HELZ: variants seen among roughly 807,000 people sequenced by gnomAD.
The protein encoded by HELZ is helicase with zinc finger.
A neutral mutation model predicts 218.2 loss-of-function variants in HELZ; 23 were observed. That is an observed-to-expected ratio of 0.11 (90% CI 0.08 to 0.15). The LOEUF (loss-of-function observed/expected upper bound fraction) is 0.15, where lower values mean the gene tolerates loss of function less well. HELZ is among the 10% of genes least tolerant of loss of function. The pLI is 1.00. For synonymous variants in HELZ, 814 were observed against 829.4 expected, an observed-to-expected ratio of 0.98 and a Z score of 0.32; for missense variants, 1,813 against 2,353.7, an observed-to-expected ratio of 0.77 and a Z score of 4.75.
chr17:67,192,472 T>C (rs1397784928), intron 9 of HELZ, among the ~76,000 whole-genome samples: 1 of 152,210 alleles, frequency 6.6e-6, no homozygotes, highest in East Asian at 1.9e-4. Flanking sequence ...TGAAGACACA[T>C]TTAAAATCAT....
chr17:67,219,348 A>G (rs1291606520), intron 3 of HELZ, among the ~76,000 whole-genome samples: 1 of 152,202 alleles, frequency 6.6e-6, no homozygotes. Flanking sequence ...ACATTTCTCG[A>G]GGGCCAGGCC....
At chr17:67,119,979 A>C (rs1567816224) in intron 27 of HELZ, 1 of 276,476 alleles carries the variant, frequency 3.6e-6, no homozygotes, top group South Asian at 2.7e-5. Flanking sequence ...TATATGTTAG[A>C]TTCTCTCCCT....
At chr17:67,223,606 G>C (rs967246846) in intron 3 of HELZ, among the ~76,000 whole-genome samples, 6 of 151,992 alleles carry the variant, frequency 3.9e-5, no homozygotes, top group Admixed American at 2.0e-4. Flanking sequence ...CAAAAAATTA[G>C]CCGGATGTGG....
intron 17 of HELZ, among the ~76,000 whole-genome samples, chr17:67,156,302 G>A (rs2038841382): frequency 6.6e-6 from 1 of 151,854 alleles, no homozygotes; most frequent in African/African-American, 2.4e-5. Flanking sequence ...GTCACTTACA[G>A]GTGGCTTTTT....
At chr17:67,237,503 G>A (rs2041215251) in intron 3 of HELZ, among the ~76,000 whole-genome samples, 1 of 152,014 alleles carries the variant, frequency 6.6e-6, no homozygotes, top group Admixed American at 6.5e-5. Context: ...TGTGGACTCA[G>A]ACAATCAAAG....
intron 24 of HELZ, among the ~76,000 whole-genome samples, chr17:67,125,263 A>C (rs2037747008): frequency 7.8e-6 from 1 of 128,202 alleles, no homozygotes; most frequent in African/African-American, 3.1e-5. Flanking sequence ...AAGAGAAAGC[A>C]TGTTCACAGT....
At chr17:67,203,546 AAAAGAGTAACTT>A in intron 5 of HELZ, 103 bp from the exon 6 acceptor site, 30 of 1,341,268 alleles carry the variant, frequency 2.2e-5, no homozygotes, top group Non-Finnish European at 3.1e-5. Context: ...TTTATATGCT[AAAAGAGTAACTT>A]CAAATACTCT....
At chr17:67,096,088 T>C (rs1228373635) in intron 31 of HELZ, among the ~76,000 whole-genome samples, 1 of 152,198 alleles carries the variant, frequency 6.6e-6, no homozygotes, top group Non-Finnish European at 1.5e-5. Context: ...ACCAACTGCA[T>C]TGTCAATGAG....
chr17:67,235,914 C>T (rs543983185), intron 3 of HELZ, among the ~76,000 whole-genome samples: 1 of 152,144 alleles, frequency 6.6e-6, no homozygotes, highest in East Asian at 1.9e-4. Context: ...GCACCTGCCA[C>T]CACGCCCGGC....
At chr17:67,148,744 T>C in intron 19 of HELZ, 30 bp from the exon 20 acceptor site, 1 of 1,575,106 alleles carries the variant, frequency 6.3e-7, no homozygotes, top group Non-Finnish European at 8.6e-7. Flanking sequence ...AGAGAAAGTT[T>C]AACTGAACAT....
At position 67,224,868 on chromosome 17, in the gene HELZ, T is replaced by C. The variant is rs572050203; in HGVS notation, c.-18-6046A>G. ...GTTATGACATGAAACAGAGTGGCTA[T>C]GGTGGGCAAACTAAGCCGATCTTCC... is the stretch of plus-strand genomic sequence containing the variant. On this transcript the variant is annotated intron_variant, in intron 3 of 32. Transcript: ENST00000358691. 5.9e-6 allele frequency: 5 copies of C among 850,142 alleles called. No homozygotes were observed. In the South Asian group the frequency reaches 6.5e-5, roughly 11 times the overall value. The allele number at this position is 850,142 out of a possible 1,614,324, so 52.7% of individuals were successfully genotyped here.
At chr17:67,234,292 C>CAAAAAAAAAAAA (rs149931184) in intron 3 of HELZ, among the ~76,000 whole-genome samples, 1 of 83,214 alleles carries the variant, frequency 1.2e-5, no homozygotes, top group African/African-American at 3.8e-5. Flanking sequence ...CACTGTACTC[C>CAAAAAAAAAAAA]AAAAAAAAAA....
At chr17:67,126,418 G>A (rs540834785) in intron 24 of HELZ, among the ~76,000 whole-genome samples, 1 of 152,220 alleles carries the variant, frequency 6.6e-6, no homozygotes, top group South Asian at 2.1e-4. Flanking sequence ...GTATAACTCA[G>A]CATTCCACAT....
chr17:67,165,713 G>A (rs2039122682), intron 15 of HELZ, among the ~76,000 whole-genome samples: 1 of 152,168 alleles, frequency 6.6e-6, no homozygotes, highest in African/African-American at 2.4e-5. Context: ...TACATGTAAA[G>A]ACATCCCAAA....
chr17:67,173,088 G>GAAATA, intron 13 of HELZ: 1 of 954,032 alleles, frequency 1.0e-6, no homozygotes, highest in East Asian at 1.2e-4. Flanking sequence ...GAAGTGCTAA[G>GAAATA]AAATAAAATA....
At position 67,244,059 on chromosome 17, in the gene HELZ, CA is replaced by C. The variant is rs2041397921; in HGVS notation, c.-131-221del. On this transcript the variant is annotated intron_variant, in intron 1 of 32. Transcript: ENST00000358691. Reference sequence around the variant, plus strand: ...TAGATTATACAATGCTCTTAAAACTCAAAAACATAATAAAATCATCTTTTTC... The same window carrying C: ...TAGATTATACAATGCTCTTAAAACTCAAAACATAATAAAATCATCTTTTTC... The C allele has an allele frequency of 2.7e-5, 22 of 825,094 alleles. 1 individual carries two copies. The South Asian group carries it at 1.1e-3, about 42-fold the overall frequency. 51.1% of individuals were successfully genotyped at this position (825,094 alleles called of 1,614,324 possible). A position where few individuals can be genotyped will look rare whatever the true frequency, so the allele number is the denominator to read the frequency against.
chr17:67,199,690 C>T (rs536208876), intron 7 of HELZ, among the ~76,000 whole-genome samples: 1 of 152,118 alleles, frequency 6.6e-6, no homozygotes, highest in African/African-American at 2.4e-5. Flanking sequence ...AGTAGCAAAA[C>T]AGTTATTTTT....
intron 1 of HELZ, among the ~76,000 whole-genome samples, chr17:67,244,365 G>C (rs2041409341): frequency 6.6e-6 from 1 of 152,176 alleles, no homozygotes; most frequent in African/African-American, 2.4e-5. Context: ...AGAGGACCCT[G>C]GCTTCCAGCC....
intron 6 of HELZ, among the ~76,000 whole-genome samples, chr17:67,202,207 A>G (rs1176498319): frequency 1.3e-5 from 2 of 151,980 alleles, no homozygotes; most frequent in East Asian, 3.8e-4. Context: ...TTATCAACAA[A>G]TTTCTTAAGT....
Sources: gnomAD v4.1 joint callset for allele counts (sites outside exome capture counted in the v4.1 genomes callset) on GRCh38, gnomAD v4.1.1 for gene constraint, MANE v1.5 for transcripts, NCBI Gene and HGNC (gene_info 2026-07-23, HGNC 2026-07-21) for gene names.